PARD3: variants seen among roughly 807,000 people sequenced by gnomAD.
PARD3 encodes the protein par-3 family cell polarity regulator.
A neutral mutation model predicts 155.4 loss-of-function variants in PARD3; 75 were observed. The observed-to-expected ratio is 0.48, with a 90% CI of 0.40 to 0.58. PARD3 has a LOEUF of 0.58. PARD3 is among the 20% of genes least tolerant of loss of function. The probability of loss-of-function intolerance (pLI) is 0.00; values close to 1 mark genes in which losing one functional copy is unlikely to be tolerated. For synonymous variants in PARD3, 576 were observed against 610.5 expected, an observed-to-expected ratio of 0.94 and a Z score of 0.83; for missense variants, 1,642 against 1,721.7, an observed-to-expected ratio of 0.95 and a Z score of 0.82.
At chr10:34,464,115 G>A (rs1360332290) in intron 4 of PARD3, among the ~76,000 whole-genome samples, 1 of 117,146 alleles carries the variant, frequency 8.5e-6, no homozygotes, top group East Asian at 2.4e-4. Context: ...CCGAGGTCCT[G>A]CGGGAAAAAA....
chr10:34,727,833 C>CAA (rs2094744238), intron 1 of PARD3, among the ~76,000 whole-genome samples: 1 of 143,074 alleles, frequency 7.0e-6, no homozygotes, highest in Admixed American at 7.1e-5. Flanking sequence ...CACACACACA[C>CAA]GCACGCACGC....
chr10:34,296,616 G>A lies in PARD3; in HGVS notation c.3066-12371C>T, dbSNP rs548467353. 2.6e-5 allele frequency among the ~76,000 whole-genome samples: 4 copies of A among 152,220 alleles called. No individual in the cohort carries two copies. In the South Asian group the frequency reaches 8.3e-4, roughly 32 times the overall value. On this transcript the variant is annotated intron_variant, in intron 20 of 24. Coordinates refer to ENST00000374788, the MANE Select transcript of PARD3 (RefSeq NM_001184785.2). ...TCTTTAACTAGACTATAAAATACGT[G>A]GATGTGGGAAATGTAATTTGGACTC...
chr10:34,336,195 T>G lies in PARD3; in HGVS notation c.2605+4A>C, dbSNP rs758794129. ...ATGGCAACAGTCTAACTGTCCATTC[T>G]TACCTGCTTTCTGGTCATCCACTGT... On this transcript the variant is annotated splice_donor_region_variant and intron_variant, in intron 18 of 24. Coordinates refer to ENST00000374788, the MANE Select transcript of PARD3 (RefSeq NM_001184785.2). 5.0e-6 allele frequency: 8 copies of G among 1,610,590 alleles called. No individual in the cohort carries two copies. The highest frequency in any genetic ancestry group is 6.8e-6 in the Non-Finnish European group (8 of 1,177,044).
rs71487904 is a variant in PARD3 at position 34,681,730 on chromosome 10, TTATATATATATATATATATA to T, written c.222+14568_222+14587del. On this transcript the variant is annotated intron_variant, in intron 2 of 24. Coordinates refer to ENST00000374788, the MANE Select transcript of PARD3 (RefSeq NM_001184785.2). The stretch of plus-strand genomic sequence containing the variant: ...TATATATGTATTTTACGTATGTATT[TTATATATATATATATATATA>T]TATATATATATATATATATTTTTTT... Among the ~76,000 whole-genome samples the T allele has an allele frequency of 2.4e-3, 72 of 29,974 alleles. 1 individual carries two copies. The highest frequency in any genetic ancestry group is 6.1e-3 in the East Asian group (7 of 1,140). 19.7% of individuals were successfully genotyped at this position (29,974 alleles called of 152,430 possible).
At chr10:34,447,966 C>A (rs1303507975) in intron 5 of PARD3, among the ~76,000 whole-genome samples, 1 of 152,046 alleles carries the variant, frequency 6.6e-6, no homozygotes, top group African/African-American at 2.4e-5. Context: ...CCATATGATC[C>A]AGCAATTCTG....
chr10:34,124,502 T>A (rs1266877521), intron 23 of PARD3, among the ~76,000 whole-genome samples: 3 of 152,210 alleles, frequency 2.0e-5, no homozygotes, highest in Non-Finnish European at 2.9e-5. Flanking sequence ...TTTTCTTCAG[T>A]AGACTTATGT....
chr10:34,323,905 G>T (rs1312253050), intron 19 of PARD3, among the ~76,000 whole-genome samples: 1 of 152,154 alleles, frequency 6.6e-6, no homozygotes, highest in Non-Finnish European at 1.5e-5. Flanking sequence ...TCTGTCCATG[G>T]GGACAATTTA....
intron 3 of PARD3, among the ~76,000 whole-genome samples, chr10:34,491,426 ATCAAACATAG>A (rs2079898878): frequency 1.3e-5 from 2 of 152,208 alleles, no homozygotes; most frequent in Non-Finnish European, 2.9e-5. Flanking sequence ...TTTTCTACTT[ATCAAACATAG>A]GGCAAAATAA....
chr10:34,421,352 AAT>A (rs1243890198), intron 5 of PARD3, among the ~76,000 whole-genome samples: 1 of 149,362 alleles, frequency 6.7e-6, no homozygotes, highest in Non-Finnish European at 1.5e-5. Flanking sequence ...GTAAATATAA[AAT>A]ATAAAAGTAT....
chr10:34,298,774 T>C (rs1957027019), intron 20 of PARD3, among the ~76,000 whole-genome samples: 1 of 152,166 alleles, frequency 6.6e-6, no homozygotes, highest in Non-Finnish European at 1.5e-5. Context: ...TTTAAAATGA[T>C]AACAACAATA....
intron 21 of PARD3, among the ~76,000 whole-genome samples, chr10:34,278,156 C>T (rs577905943): frequency 2.0e-5 from 3 of 152,038 alleles, no homozygotes; most frequent in African/African-American, 4.8e-5. Flanking sequence ...AAGACATCCT[C>T]CCACACCAGC....
At chr10:34,246,881 G>A (rs1365803180) in intron 22 of PARD3, among the ~76,000 whole-genome samples, 2 of 152,084 alleles carry the variant, frequency 1.3e-5, no homozygotes, top group African/African-American at 4.8e-5. Context: ...AAATATAAAA[G>A]ATTAGCATGT....
chr10:34,466,420 A>G (rs1978806), intron 4 of PARD3, among the ~76,000 whole-genome samples: 20,211 of 152,158 alleles, frequency 0.13, 4,396 homozygotes, highest in African/African-American at 0.45. Context: ...GTGCTCTAAC[A>G]TATCAGAATA....
At chr10:34,671,953 T>C (rs12255189) in intron 2 of PARD3, among the ~76,000 whole-genome samples, 2,854 of 152,158 alleles carry the variant, frequency 0.019, 92 homozygotes, top group African/African-American at 0.065. Flanking sequence ...GGTGTGAGGA[T>C]TGCTGGAGGA....
At chr10:34,707,550 C>T (rs964943964) in intron 1 of PARD3, among the ~76,000 whole-genome samples, 5 of 152,236 alleles carry the variant, frequency 3.3e-5, no homozygotes, top group East Asian at 1.9e-4. Context: ...GAATGAGGGG[C>T]GAGAAGAGAT....
At chr10:34,368,937 TA>T (rs1319180539) in intron 12 of PARD3, among the ~76,000 whole-genome samples, 6 of 151,962 alleles carry the variant, frequency 3.9e-5, no homozygotes, top group Non-Finnish European at 7.4e-5. Flanking sequence ...CTTGTTTATT[TA>T]AAAAAAATTC....
chr10:34,694,702 A>G (rs1019364058), intron 2 of PARD3, among the ~76,000 whole-genome samples: 14 of 152,016 alleles, frequency 9.2e-5, no homozygotes, highest in African/African-American at 2.7e-4. Context: ...TTTTTGATAC[A>G]ATGTATTCCT....
intron 1 of PARD3, among the ~76,000 whole-genome samples, chr10:34,750,691 A>AT (rs10643701): frequency 0.026 from 3,679 of 143,662 alleles, 165 homozygotes; most frequent in African/African-American, 0.084. Flanking sequence ...TGACATAACA[A>AT]TTTTTTTTTT....
intron 2 of PARD3, among the ~76,000 whole-genome samples, chr10:34,572,917 AT>A (rs1356235681): frequency 6.6e-6 from 1 of 152,170 alleles, no homozygotes; most frequent in Non-Finnish European, 1.5e-5. Flanking sequence ...CGGTGGCAGA[AT>A]TTTTTAAATA....
Sources: allele counts gnomAD v4.1 joint callset (sites outside exome capture counted in the v4.1 genomes callset), GRCh38; gene constraint gnomAD v4.1.1; transcripts MANE v1.5; gene names NCBI Gene and HGNC (gene_info 2026-07-23, HGNC 2026-07-21).